The following EEA1 variants were observed in gnomAD, a reference collection of about 807,000 sequenced individuals.
The protein encoded by EEA1 is early endosome antigen 1, 162kD.
Under a neutral mutation model 209.2 loss-of-function variants are expected in EEA1, and 111 were observed. That is an observed-to-expected ratio of 0.53 (90% CI 0.45 to 0.62). The LOEUF is 0.62. Among genes scored for constraint, EEA1 ranks in the 20% least tolerant of loss-of-function variants. The probability of loss-of-function intolerance (pLI) is 0.00; values close to 1 mark genes in which losing one functional copy is unlikely to be tolerated. For synonymous variants in EEA1, 536 were observed against 540.6 expected, an observed-to-expected ratio of 0.99 and a Z score of 0.12; for missense variants, 1,343 against 1,530.8, an observed-to-expected ratio of 0.88 and a Z score of 2.05.
chr12:92,831,458 A>T (rs1441375994), intron 11 of EEA1, among the ~76,000 whole-genome samples: 1 of 149,574 alleles, frequency 6.7e-6, no homozygotes, highest in Admixed American at 6.7e-5. Flanking sequence ...TGTAGTTCAA[A>T]ATATGAGCTA....
intron 1 of EEA1, among the ~76,000 whole-genome samples, chr12:92,926,234 C>A (rs1339785659): frequency 6.6e-6 from 1 of 152,076 alleles, no homozygotes; most frequent in East Asian, 1.9e-4. Context: ...CTCAGGTGAT[C>A]CGCCCGTCTC....
intron 9 of EEA1, among the ~76,000 whole-genome samples, chr12:92,844,424 T>C (rs1474716471): frequency 1.3e-5 from 2 of 152,146 alleles, no homozygotes; most frequent in African/African-American, 2.4e-5. Context: ...TTATACACAG[T>C]GCTTCAGTAT....
In EEA1 at chr12:92,923,315, T is replaced by C. The variant is rs542499085; in HGVS notation, c.24+5728A>G. ...GTGAGCCGAGATTGCGCCACTGCAC[T>C]CCAGCCTGGGCGACAGAGCGAGACT... is the stretch of plus-strand genomic sequence containing the variant. On this transcript the variant is annotated intron_variant, in intron 1 of 28. Coordinates refer to ENST00000322349, the MANE Select transcript of EEA1 (RefSeq NM_003566.4). 2.0e-4 allele frequency among the ~76,000 whole-genome samples: 31 copies of C among 152,202 alleles called. 1 individual carries two copies. In the South Asian group the frequency reaches 6.2e-3, roughly 31 times the overall value.
intron 3 of EEA1, 91 bp from the exon 4 acceptor site, chr12:92,857,576 A>G: frequency 1.3e-6 from 1 of 741,456 alleles, no homozygotes. Context: ...TTGTATATTA[A>G]TATTATAGTT....
chr12:92,775,740 T>G lies in EEA1; in HGVS notation c.*271A>C. The G allele has an allele frequency of 3.4e-6, 1 of 294,858 alleles. No homozygotes were observed. The allele number at this position is 294,858 out of a possible 1,614,324, so 18.3% of individuals were successfully genotyped here. A position where few individuals can be genotyped will look rare whatever the true frequency, so the allele number is the denominator to read the frequency against. ...TACATTGCTATTTTCTGTCCAAAGTTTATTTACATTTCATTGGCTAATTCT... is the reference window on the plus strand; with the variant it reads ...TACATTGCTATTTTCTGTCCAAAGTGTATTTACATTTCATTGGCTAATTCT... On this transcript the variant is annotated 3_prime_UTR_variant, in exon 29 of 29. Coordinates refer to ENST00000322349, the MANE Select transcript of EEA1 (RefSeq NM_003566.4).
intron 1 of EEA1, among the ~76,000 whole-genome samples, chr12:92,925,663 A>T (rs1881183321): frequency 6.6e-6 from 1 of 152,206 alleles, no homozygotes; most frequent in Non-Finnish European, 1.5e-5. Context: ...CAATACATAC[A>T]TATTGGAGCT....
chr12:92,862,171 T>G (rs1878183330), intron 3 of EEA1, among the ~76,000 whole-genome samples: 1 of 152,064 alleles, frequency 6.6e-6, no homozygotes, highest in African/African-American at 2.4e-5. Context: ...TGTCAGAAAC[T>G]GAGGTGTAGG....
At chr12:92,880,297 A>G (rs532525981) in intron 2 of EEA1, among the ~76,000 whole-genome samples, 3 of 152,278 alleles carry the variant, frequency 2.0e-5, no homozygotes, top group African/African-American at 4.8e-5. Flanking sequence ...TAATAAAAAG[A>G]CAATCCAATG....
chr12:92,831,538 CATG>C (rs1335015893), intron 11 of EEA1, among the ~76,000 whole-genome samples: 11 of 145,228 alleles, frequency 7.6e-5, no homozygotes, highest in East Asian at 4.0e-4. Context: ...ATATCAATAT[CATG>C]ATATGAATAT....
intron 10 of EEA1, among the ~76,000 whole-genome samples, chr12:92,836,251 A>G (rs1381477196): frequency 2.0e-5 from 3 of 152,352 alleles, no homozygotes; most frequent in South Asian, 2.1e-4. Flanking sequence ...TCCCTAAAAT[A>G]TATCCTATTC....
intron 22 of EEA1, among the ~76,000 whole-genome samples, chr12:92,785,520 A>C (rs1438594416): frequency 3.9e-5 from 6 of 152,206 alleles, no homozygotes; most frequent in Non-Finnish European, 8.8e-5. Flanking sequence ...TAGTCTATAA[A>C]TATCATCTGA....
intron 2 of EEA1, among the ~76,000 whole-genome samples, chr12:92,889,530 C>CA (rs561513933): frequency 0.035 from 2,744 of 78,584 alleles, 86 homozygotes; most frequent in African/African-American, 0.11. Flanking sequence ...ACGCTCTTTG[C>CA]AAAAAAAAAA....
At chr12:92,808,469 G>A (rs11831816) in intron 18 of EEA1, among the ~76,000 whole-genome samples, 38,442 of 151,278 alleles carry the variant, frequency 0.25, 5,334 homozygotes, top group Non-Finnish European at 0.32. Context: ...GCATCACAAA[G>A]CTGAGGTTAT....
At chr12:92,884,232 AC>A in intron 2 of EEA1, 1 of 1,519,996 alleles carries the variant, frequency 6.6e-7, no homozygotes, top group Non-Finnish European at 9.0e-7. Flanking sequence ...ACCTTTGACG[AC>A]CATGACTCCG....
intron 1 of EEA1, among the ~76,000 whole-genome samples, chr12:92,905,901 CATAT>C (rs111324363): frequency 1.3e-5 from 2 of 149,850 alleles, no homozygotes; most frequent in Non-Finnish European, 1.5e-5. Flanking sequence ...ATAATTTAGA[CATAT>C]ATATATATAT....
chr12:92,830,112 C>G (rs750900869), intron 11 of EEA1, among the ~76,000 whole-genome samples: 2 of 152,024 alleles, frequency 1.3e-5, no homozygotes, highest in Non-Finnish European at 2.9e-5. Flanking sequence ...TTACACAACA[C>G]ATACATGCAA....
rs1199436246 is a variant in EEA1 at position 92,779,971 on chromosome 12, GAAATTT to G, written c.3468+303_3468+308del. Among the ~76,000 whole-genome samples the G allele has an allele frequency of 2.0e-5, 3 of 151,986 alleles. No individual in the cohort carries two copies. The South Asian group carries it at 6.2e-4, about 32-fold the overall frequency. ...TTACTTCTAAACTCTTTCATATTTT[GAAATTT>G]ACTACCTGTGAGCATAATTTTCTAA... is the stretch of plus-strand genomic sequence containing the variant. On this transcript the variant is annotated intron_variant, in intron 24 of 28. Coordinates refer to ENST00000322349, the MANE Select transcript of EEA1 (RefSeq NM_003566.4).
chr12:92,885,764 C>T (rs1294052987), intron 2 of EEA1, among the ~76,000 whole-genome samples: 1 of 152,162 alleles, frequency 6.6e-6, no homozygotes, highest in African/African-American at 2.4e-5. Context: ...ATGGGTCTTG[C>T]TGTCTCAGAG....
rs1875596255 is a variant in EEA1 at position 92,813,061 on chromosome 12, T to C, written c.1962A>G (p.Ala654=). 1 of 1,596,568 alleles carries C rather than the reference T, an allele frequency of 6.3e-7. No homozygotes were observed. ...IKAKTELLLS[A]EAAKTAQRAD... is the part of the protein sequence containing the mutation. ...CTCTTTGAGCAGTTTTTGCTGCTTC[T>C]GCTGATAGTAATAGTTCGGTTTTGG... Residue 654 remains alanine, a synonymous_variant, in exon 16 of 29, where the codon GCA becomes GCG. Transcript: ENST00000322349.
Sources: allele counts gnomAD v4.1 joint callset (sites outside exome capture counted in the v4.1 genomes callset), GRCh38; gene constraint gnomAD v4.1.1; transcripts MANE v1.5; gene names NCBI Gene and HGNC (gene_info 2026-07-23, HGNC 2026-07-21).